Variants in PRKX observed in about 807,000 individuals in gnomAD.
PRKX encodes the protein protein kinase cAMP-dependent X-linked catalytic subunit.
In PRKX, 12 loss-of-function variants were observed where a neutral mutation model predicts 22.0. That is an observed-to-expected ratio of 0.54 (90% CI 0.35 to 0.88). PRKX has a LOEUF of 0.88. Ranked by LOEUF, PRKX falls within the 40% of genes least tolerant of loss-of-function variation. The probability of loss-of-function intolerance (pLI) is 0.01; values close to 1 mark genes in which losing one functional copy is unlikely to be tolerated. For synonymous variants in PRKX, 134 were observed against 137.7 expected (o/e 0.97, Z 0.19); for missense variants, 217 against 308.0 (o/e 0.70, Z 2.21).
intron 7 of PRKX, among the ~76,000 whole-genome samples, chrX:3,613,833 C>T (rs756574300): frequency 1.1e-4 from 8 of 74,085 alleles, no homozygotes; most frequent in East Asian, 9.4e-4. Context: ...CGAGCCTGAG[C>T]GACAAAGTGA....
chrX:3,667,724 C>T (rs769721103), intron 2 of PRKX, among the ~76,000 whole-genome samples: 1 of 110,935 alleles, frequency 9.0e-6, no homozygotes, highest in Admixed American at 9.7e-5. Flanking sequence ...TTCCTCATAC[C>T]CCAGTCCCCA....
At position 3,645,148 on chromosome X, in the gene PRKX, G is replaced by T. The variant is rs1927162810; in HGVS notation, c.600-3177C>A. ...GTGTTATGTCGAGACCACTGGTCTG[G>T]GCAGTGAATTATCCACTTCCCTGCT... On this transcript the variant is annotated intron_variant, in intron 3 of 8. Transcript: ENST00000262848. Among the ~76,000 whole-genome samples the T allele has an allele frequency of 3.6e-5, 4 of 111,172 alleles. 1 individual carries two copies. In the South Asian group the frequency reaches 1.5e-3, roughly 43 times the overall value.
intron 1 of PRKX, among the ~76,000 whole-genome samples, chrX:3,689,451 C>T (rs1225764843): frequency 1.8e-5 from 2 of 111,785 alleles, no homozygotes; most frequent in African/African-American, 6.5e-5. Flanking sequence ...TGGGAGGCCA[C>T]GGAAGGACAT....
At chrX:3,688,990 A>C (rs1603474638) in intron 1 of PRKX, among the ~76,000 whole-genome samples, 1 of 111,784 alleles carries the variant, frequency 8.9e-6, no homozygotes, top group African/African-American at 3.2e-5. Flanking sequence ...GTGGAAGGAG[A>C]GGGCAAATTC....
chrX:3,642,721 G>A (rs1355494633), intron 3 of PRKX, among the ~76,000 whole-genome samples: 3 of 109,968 alleles, frequency 2.7e-5, no homozygotes, highest in Non-Finnish European at 5.7e-5. Context: ...CGCTTAGGCC[G>A]GGCATGGTGG....
chrX:3,689,710 G>T (rs749932267), intron 1 of PRKX, among the ~76,000 whole-genome samples: 1 of 111,878 alleles, frequency 8.9e-6, no homozygotes, highest in Admixed American at 9.5e-5. Flanking sequence ...GGGCGCGGTG[G>T]CTCACACCTG....
intron 1 of PRKX, among the ~76,000 whole-genome samples, chrX:3,691,850 A>ATGAC (rs1928332577): frequency 9.3e-6 from 1 of 107,070 alleles, no homozygotes; most frequent in African/African-American, 3.4e-5. Context: ...AGATAGAAAG[A>ATGAC]TGATTGATTG....
At chrX:3,682,101 C>G (rs1257957094) in intron 1 of PRKX, among the ~76,000 whole-genome samples, 2 of 110,814 alleles carry the variant, frequency 1.8e-5, no homozygotes, top group Non-Finnish European at 3.8e-5. Flanking sequence ...GAGTACTTTC[C>G]CTTGGGGTCC....
At position 3,665,153 on chromosome X, in the gene PRKX, TGTGCTTGTGTGTGTGC is replaced by T. The variant is rs769822352; in HGVS notation, c.335+9429_335+9444del. ...ATGTGTGTGTGCACGTGCACGTGTGTGTGCTTGTGTGTGTGCGTGCTTGTGTGTGTGCGTTTGTGTG... is the reference window on the plus strand; with the variant it reads ...ATGTGTGTGTGCACGTGCACGTGTGTGTGCTTGTGTGTGTGCGTTTGTGTG... On this transcript the variant is annotated intron_variant, in intron 2 of 8. Transcript: ENST00000262848. Among the ~76,000 whole-genome samples, 50 of 111,657 alleles carry T rather than the reference TGTGCTTGTGTGTGTGC, an allele frequency of 4.5e-4. 1 individual carries two copies. Among genetic ancestry groups the T allele is most frequent in the African/African-American group, 1.0e-3 (32 of 30,759 alleles).
At chrX:3,657,381 G>C (rs768221580) in intron 2 of PRKX, among the ~76,000 whole-genome samples, 6 of 111,276 alleles carry the variant, frequency 5.4e-5, no homozygotes, top group Non-Finnish European at 1.1e-4. Flanking sequence ...GACACACACA[G>C]AGGGACGACC....
intron 2 of PRKX, among the ~76,000 whole-genome samples, chrX:3,671,941 A>G (rs1927854966): frequency 8.9e-6 from 1 of 112,134 alleles, no homozygotes; most frequent in Non-Finnish European, 1.9e-5. Flanking sequence ...TGGGCAACAT[A>G]GCAAGACCCT....
At chrX:3,626,320 A>G (rs1375620441) in intron 5 of PRKX, 99 bp downstream of exon 5, 1 of 613,927 alleles carries the variant, frequency 1.6e-6, no homozygotes, top group Non-Finnish European at 2.6e-6. Flanking sequence ...AGCACATTTA[A>G]TAACACAATA....
At chrX:3,650,413 T>A (rs1270346771) in intron 3 of PRKX, among the ~76,000 whole-genome samples, 1 of 98,416 alleles carries the variant, frequency 1.0e-5, no homozygotes, top group Non-Finnish European at 2.0e-5. Context: ...CCCAGCTACT[T>A]GGGAGGCTGA....
rs1927087532 is a variant in PRKX at position 3,641,977 on chromosome X, T to C, written c.600-6A>G. On this transcript the variant is annotated splice_region_variant and splice_polypyrimidine_tract_variant and intron_variant, in intron 3 of 8. Transcript: ENST00000262848. ...TTCCACAGAGGGTCCAAGTCCTATA[T>C]GGGCGACAGAGACAGGCCCCCACAA... is the stretch of plus-strand genomic sequence containing the variant. The C allele has an allele frequency of 1.2e-6, 1 of 849,215 alleles. No homozygotes were observed. Among genetic ancestry groups the C allele is most frequent in the African/African-American group, 2.2e-5 (1 of 44,769 alleles). The allele number at this position is 849,215 out of a possible 1,213,427, so 70.0% of individuals were successfully genotyped here.
At chrX:3,706,284 AAG>A (rs1324549027) in intron 1 of PRKX, among the ~76,000 whole-genome samples, 2 of 110,311 alleles carry the variant, frequency 1.8e-5, no homozygotes, top group Non-Finnish European at 3.8e-5. Context: ...TCCTGGGCTC[AAG>A]CAATCCTCCT....
At chrX:3,680,336 G>A (rs866675027) in intron 1 of PRKX, among the ~76,000 whole-genome samples, 1 of 110,624 alleles carries the variant, frequency 9.0e-6, no homozygotes, top group Non-Finnish European at 1.9e-5. Context: ...TAGTGACAGG[G>A]TTTCACCATG....
intron 2 of PRKX, among the ~76,000 whole-genome samples, chrX:3,657,023 G>A (rs1021807222): frequency 1.1e-4 from 12 of 111,492 alleles, no homozygotes; most frequent in East Asian, 2.8e-4. Context: ...TCACCCTCAC[G>A]ATCTAATCAC....
intron 3 of PRKX, among the ~76,000 whole-genome samples, chrX:3,650,539 A>AAAAG (rs1555894922): frequency 9.9e-6 from 1 of 101,117 alleles, no homozygotes; most frequent in Admixed American, 1.1e-4. Flanking sequence ...AAAAAAAAAA[A>AAAAG]AGAGAGAAAA....
chrX:3,676,634 G>A (rs967990985), intron 1 of PRKX, among the ~76,000 whole-genome samples: 13 of 111,998 alleles, frequency 1.2e-4, no homozygotes, highest in African/African-American at 4.2e-4. Flanking sequence ...AATAAGATAG[G>A]CACAGAAAAA....
Sources: gnomAD v4.1 joint callset for allele counts (sites outside exome capture counted in the v4.1 genomes callset) on GRCh38, gnomAD v4.1.1 for gene constraint, MANE v1.5 for transcripts, NCBI Gene and HGNC (gene_info 2026-07-23, HGNC 2026-07-21) for gene names.